AMER1: variants seen among roughly 807,000 people sequenced by gnomAD.
AMER1 encodes the protein RP11-403E24.2.
AMER1 carries 16 observed loss-of-function variants against 53.0 expected under a neutral mutation model. The ratio of observed to expected loss-of-function variants is 0.30; its 90% confidence interval spans 0.20 to 0.46. The LOEUF (loss-of-function observed/expected upper bound fraction) is 0.46, where lower values mean the gene tolerates loss of function less well. AMER1 is among the 20% of genes least tolerant of loss of function. AMER1 has a pLI of 1.00. For synonymous variants in AMER1, 354 were observed against 331.9 expected (o/e 1.07, Z -0.73); for missense variants, 947 against 884.9 (o/e 1.07, Z -0.89).
intron 1 of AMER1, among the ~76,000 whole-genome samples, chrX:64,204,972 A>C (rs1180158040): frequency 2.6e-5 from 3 of 113,220 alleles, no homozygotes; most frequent in Non-Finnish European, 5.6e-5. Context: ...CCACAGGCCC[A>C]ACTGAGCTCC....
Position 64,189,327 on chromosome X carries a change from C to T in AMER1, c.*552G>A. 2 of 787,041 alleles carry T rather than the reference C, an allele frequency of 2.5e-6. No homozygotes were observed. The highest frequency in any genetic ancestry group is 1.5e-6 in the Non-Finnish European group (1 of 659,985). 64.9% of individuals were successfully genotyped at this position (787,041 alleles called of 1,213,427 possible). ...TCACATTGCTAATAGCAAATAAGCC[C>T]CACTTCCCCAAGCGGGAGGCAATGC... On this transcript the variant is annotated 3_prime_UTR_variant, in exon 2 of 2. Coordinates refer to ENST00000374869, the MANE Select transcript of AMER1 (RefSeq NM_152424.4).
In AMER1 at chrX:64,186,076, G is replaced by T. The variant is rs1930100177; in HGVS notation, c.*3803C>A. The T allele has an allele frequency of 8.6e-7, 1 of 1,157,126 alleles. No homozygotes were observed. The highest frequency in any genetic ancestry group is 3.0e-5 in the East Asian group (1 of 33,338). On this transcript the variant is annotated 3_prime_UTR_variant, in exon 2 of 2. Transcript: ENST00000374869. ...AGACATGGGGAAGAAGGGTTCAAAA[G>T]AAAGAAAAACATAAAATAAAGCCAG...
rs61730681 is a variant in AMER1, at chrX:64,190,230, T to C, written c.3057A>G (p.Gln1019=). 72,258 of 1,209,842 alleles carry C rather than the reference T, an allele frequency of 0.06. 15,131 individuals are homozygous for C. The African/African-American group carries it at 0.83, about 14-fold the overall frequency. ...ESRAPGESGP[Q]LARPSHLHLP... Reference sequence around the variant, plus strand: ...GGTGTAGGTGTGAGGGACGAGCTAGTTGAGGCCCAGATTCCCCAGGTGCCC... The same window carrying C: ...GGTGTAGGTGTGAGGGACGAGCTAGCTGAGGCCCAGATTCCCCAGGTGCCC... Residue 1019 remains glutamine, a synonymous_variant, in exon 2 of 2, where the codon CAA becomes CAG. Transcript: ENST00000374869.
At chrX:64,195,450 A>T (rs1930345218) in intron 1 of AMER1, among the ~76,000 whole-genome samples, 1 of 112,235 alleles carries the variant, frequency 8.9e-6, no homozygotes, top group African/African-American at 3.2e-5. Flanking sequence ...TCCTAGGCTA[A>T]CAGGGAGAGT....
intron 1 of AMER1, among the ~76,000 whole-genome samples, 178 bp downstream of exon 1, chrX:64,205,392 G>A (rs1380030403): frequency 1.1e-4 from 10 of 92,951 alleles, no homozygotes; most frequent in Non-Finnish European, 1.6e-4. Context: ...GGGGACTCAA[G>A]GCCGCTCTGC....
rs758585592 is a variant in AMER1, at chrX:64,191,608, C to T, written c.1679G>A (p.Arg560Gln). ...CAACTGTTTCTGGATGGTCACTAGC[C>T]GTTCTTCCTCTGTCTCCATTGCCCC... ...PPGAMETEEE[R>Q]LVTIQKQLLY... The change falls in exon 2 of 2, where the codon CGG becomes CAG. Residue 560 changes from arginine (R) to glutamine (Q), a missense_variant. By Grantham distance (43) the Arg-to-Gln change is conservative. Coordinates refer to ENST00000374869, the MANE Select transcript of AMER1 (RefSeq NM_152424.4). 1.2e-5 allele frequency: 15 copies of T among 1,211,115 alleles called. No homozygotes were observed. The highest frequency in any genetic ancestry group is 4.3e-5 in the Admixed American group (2 of 45,990).
rs1930252730 is a variant in AMER1, at chrX:64,191,837, C to T, written c.1450G>A (p.Gly484Ser). The change falls in exon 2 of 2, where the codon GGT (glycine) becomes AGT (serine). Residue 484 changes from glycine to serine, a missense_variant. Gly to Ser is a moderately conservative substitution (Grantham distance 56, BLOSUM62 0). Transcript: ENST00000374869. Reference protein sequence around the residue: ...STTPGFEDDSGEALGLVRRDC... With the variant: ...STTPGFEDDSSEALGLVRRDC... The stretch of plus-strand genomic sequence containing the variant: ...CTGCGGACAAGCCCCAGGGCCTCAC[C>T]TGAATCATCCTCAAATCCAGGTGTG... The T allele has an allele frequency of 8.3e-7, 1 of 1,210,049 alleles. No individual in the cohort carries two copies. The highest frequency in any genetic ancestry group is 2.2e-5 in the Admixed American group (1 of 45,837).
rs1274100565 is a variant in AMER1 at position 64,189,269 on chromosome X, G to A, written c.*610C>T. 1.3e-6 allele frequency: 1 copy of A among 791,138 alleles called. No homozygotes were observed. Among genetic ancestry groups the A allele is most frequent in the Non-Finnish European group, 1.5e-6 (1 of 663,755 alleles). The allele number at this position is 791,138 out of a possible 1,213,427, so 65.2% of individuals were successfully genotyped here. ...TGATGGCAGCTATGCCAGGCCAAAA[G>A]GAATAGGGGTGGGGAGGATCTGTAC... On this transcript the variant is annotated 3_prime_UTR_variant, in exon 2 of 2. Transcript: ENST00000374869.
chrX:64,192,254 C>CCATGCTGTCTGT lies in AMER1; in HGVS notation c.1021_1032dup (p.Thr341_Met344dup). The CCATGCTGTCTGT allele has an allele frequency of 6.6e-6, 8 of 1,210,762 alleles. No individual in the cohort carries two copies. Among genetic ancestry groups the CCATGCTGTCTGT allele is most frequent in the Non-Finnish European group, 8.9e-6 (8 of 895,420 alleles). ...CGGTTTGCTCTCTGGCCCCCAGAGG[C>CCATGCTGTCTGT]CATGCTGTCTGTCATACTGTCCATG... is the stretch of plus-strand genomic sequence containing the variant. On this transcript the variant is annotated inframe_insertion, in exon 2 of 2. Coordinates refer to ENST00000374869, the MANE Select transcript of AMER1 (RefSeq NM_152424.4).
rs1213226471 is a variant in AMER1, at chrX:64,205,351, C to G, written c.-99+219G>C. The stretch of plus-strand genomic sequence containing the variant: ...CCTTCCTACCCGCCCTCCCCAACCC[C>G]CCTCCCCCCAGCCGTGGTCGCTTGT... On this transcript the variant is annotated intron_variant, in intron 1 of 1. Coordinates refer to ENST00000374869, the MANE Select transcript of AMER1 (RefSeq NM_152424.4). 6.6e-5 allele frequency among the ~76,000 whole-genome samples: 7 copies of G among 106,382 alleles called. No individual in the cohort carries two copies. In the Admixed American group the frequency reaches 6.8e-4, roughly 10 times the overall value. The allele number at this position is 106,382 out of a possible 115,157, so 92.4% of individuals were successfully genotyped here.
rs1395903458 is a variant in AMER1 at position 64,191,224 on chromosome X, G to A, written c.2063C>T (p.Thr688Ile). 1 of 1,212,072 alleles carries A rather than the reference G, an allele frequency of 8.3e-7. No homozygotes were observed. Among genetic ancestry groups the A allele is most frequent in the Non-Finnish European group, 1.1e-6 (1 of 895,594 alleles). The stretch of plus-strand genomic sequence containing the variant: ...CCTCCAGTCTGGCTCGCTGCTTGCA[G>A]TGGTGGGGAAAGCTGAGGTAATTCC... ...HRGITSAFPT[T>I]ASSEPDWRDF... The change falls in exon 2 of 2, where the codon ACT becomes ATT. Residue 688 changes from threonine to isoleucine, a missense_variant. Physicochemically the swap from Thr to Ile is moderately conservative, Grantham distance 89. Transcript: ENST00000374869.
intron 1 of AMER1, among the ~76,000 whole-genome samples, chrX:64,199,173 C>T (rs1306495644): frequency 8.9e-6 from 1 of 112,230 alleles, no homozygotes; most frequent in African/African-American, 3.2e-5. Context: ...CAAATTGGGA[C>T]TTCTCTCTCC....
At chrX:64,198,395 G>C (rs1356196506) in intron 1 of AMER1, among the ~76,000 whole-genome samples, 1 of 111,496 alleles carries the variant, frequency 9.0e-6, no homozygotes, top group Non-Finnish European at 1.9e-5. Flanking sequence ...AGGCCTGGTG[G>C]GGGATGGCAA....
Position 64,187,444 on chromosome X carries a change from T to C in AMER1, c.*2435A>G. On this transcript the variant is annotated 3_prime_UTR_variant, in exon 2 of 2. Transcript: ENST00000374869. ...TGACCTTCCAAAGCCCAACAAAGTG[T>C]GTCAGGGCTATGCCAGTGCCCCTCA... 1 of 791,820 alleles carries C rather than the reference T, an allele frequency of 1.3e-6. No homozygotes were observed. Among genetic ancestry groups the C allele is most frequent in the East Asian group, 7.8e-5 (1 of 12,826 alleles). The allele number at this position is 791,820 out of a possible 1,213,427, so 65.3% of individuals were successfully genotyped here.
At position 64,185,981 on chromosome X, in the gene AMER1, G is replaced by A. The variant is rs1930097296; in HGVS notation, c.*3898C>T. The A allele has an allele frequency of 1.8e-6, 1 of 557,645 alleles. No homozygotes were observed. Among genetic ancestry groups the A allele is most frequent in the Non-Finnish European group, 2.7e-6 (1 of 366,870 alleles). 46.0% of individuals were successfully genotyped at this position (557,645 alleles called of 1,213,427 possible). On this transcript the variant is annotated 3_prime_UTR_variant, in exon 2 of 2. Coordinates refer to ENST00000374869, the MANE Select transcript of AMER1 (RefSeq NM_152424.4). ...ACAAATAGCACAACATGGGCACTCT[G>A]ATTTCAAAACTAAAGCACAAAACAT... is the stretch of plus-strand genomic sequence containing the variant.
intron 1 of AMER1, among the ~76,000 whole-genome samples, chrX:64,201,360 T>A (rs1380745575): frequency 1.8e-5 from 2 of 108,567 alleles, no homozygotes; most frequent in Non-Finnish European, 3.8e-5. Context: ...AAGTTGGGGG[T>A]GCAGAGAGAG....
Position 64,192,907 on chromosome X carries a change from A to G in AMER1, c.380T>C (p.Phe127Ser), listed in dbSNP as rs200397022. ...CCCATGGGCACTCTGAGAGCTGGGA[A>G]ATTGGCAGGGTAACTCAGGCAAAGG... is the stretch of plus-strand genomic sequence containing the variant. ...SLPLPELPCQ[F>S]PSSQSAHGAL... The change falls in exon 2 of 2, where the codon TTT becomes TCT. Residue 127 changes from phenylalanine to serine, a missense_variant. Physicochemically the swap from Phe to Ser is radical, Grantham distance 155. Coordinates refer to ENST00000374869, the MANE Select transcript of AMER1 (RefSeq NM_152424.4). The G allele has an allele frequency of 3.2e-4, 393 of 1,210,201 alleles. No homozygotes were observed. The highest frequency in any genetic ancestry group is 2.1e-3 in the Middle Eastern group (9 of 4,377).
At chrX:64,195,618 C>T (rs185713673) in intron 1 of AMER1, among the ~76,000 whole-genome samples, 51 of 111,888 alleles carry the variant, frequency 4.6e-4, no homozygotes, top group African/African-American at 1.6e-3. Flanking sequence ...ACTGCGCATG[C>T]GAAGGATCTA....
Position 64,189,391 on chromosome X carries a change from G to A in AMER1, c.*488C>T. ...AATCAGTGGTTCATCATTCATTGGG[G>A]GAAAGGGGCAGGGGGCACTAAAGGT... is the stretch of plus-strand genomic sequence containing the variant. On this transcript the variant is annotated 3_prime_UTR_variant, in exon 2 of 2. Coordinates refer to ENST00000374869, the MANE Select transcript of AMER1 (RefSeq NM_152424.4). 1.3e-6 allele frequency: 1 copy of A among 782,056 alleles called. No homozygotes were observed. Among genetic ancestry groups the A allele is most frequent in the Non-Finnish European group, 1.5e-6 (1 of 656,719 alleles). 64.5% of individuals were successfully genotyped at this position (782,056 alleles called of 1,213,427 possible). A position where few individuals can be genotyped will look rare whatever the true frequency, so the allele number is the denominator to read the frequency against.
Sources: gnomAD v4.1 joint callset for allele counts (sites outside exome capture counted in the v4.1 genomes callset) on GRCh38, gnomAD v4.1.1 for gene constraint, MANE v1.5 for transcripts, NCBI Gene and HGNC (gene_info 2026-07-23, HGNC 2026-07-21) for gene names.